ABHD12B: variants seen among roughly 807,000 people sequenced by gnomAD.
ABHD12B encodes the protein abhydrolase domain containing 12B.
In ABHD12B, 42 loss-of-function variants were observed where a neutral mutation model predicts 50.4. That is an observed-to-expected ratio of 0.83 (90% CI 0.65 to 1.08). The LOEUF is 1.08. Ranked by LOEUF, ABHD12B falls within the 50% of genes least tolerant of loss-of-function variation. The pLI is 0.00. For synonymous variants in ABHD12B, 167 were observed against 160.3 expected, an observed-to-expected ratio of 1.04 and a Z score of -0.32; for missense variants, 479 against 447.7, an observed-to-expected ratio of 1.07 and a Z score of -0.63.
intron 1 of ABHD12B, 113 bp from the exon 2 acceptor site, chr14:50,877,839 C>A: frequency 8.7e-7 from 1 of 1,148,874 alleles, no homozygotes; most frequent in African/African-American, 1.6e-5. Context: ...TGCACTCCAG[C>A]CTGGGCAACA....
intron 9 of ABHD12B, among the ~76,000 whole-genome samples, chr14:50,896,873 G>A (rs1018167517): frequency 5.3e-5 from 8 of 152,056 alleles, no homozygotes; most frequent in South Asian, 4.1e-4. Flanking sequence ...TCACACAGAC[G>A]CGCATGAAAA....
intron 9 of ABHD12B, among the ~76,000 whole-genome samples, chr14:50,897,485 T>C (rs2050212807): frequency 6.6e-6 from 1 of 152,246 alleles, no homozygotes; most frequent in African/African-American, 2.4e-5. Flanking sequence ...TGTCCAATAT[T>C]TGTATATCTT....
intron 5 of ABHD12B, 103 bp downstream of exon 5, chr14:50,881,729 A>T: frequency 7.1e-7 from 1 of 1,402,544 alleles, no homozygotes; most frequent in Non-Finnish European, 1.0e-6. Context: ...AGAGGTCTCC[A>T]GGGTACTGGT....
At chr14:50,886,402 T>C (rs1326111912) in intron 7 of ABHD12B, among the ~76,000 whole-genome samples, 1 of 140,398 alleles carries the variant, frequency 7.1e-6, no homozygotes, top group Non-Finnish European at 1.5e-5. Flanking sequence ...ATTGTACCAC[T>C]GCACTCCAGC....
intron 9 of ABHD12B, chr14:50,892,459 C>T (rs2050132904): frequency 1.0e-6 from 1 of 985,286 alleles, no homozygotes; most frequent in Non-Finnish European, 1.2e-6. Flanking sequence ...TTTCTGCCCT[C>T]CGCTAAGGTA....
Position 50,872,229 on chromosome 14 carries a change from G to A in ABHD12B, c.55G>A (p.Ala19Thr). 2 of 1,393,038 alleles carry A rather than the reference G, an allele frequency of 1.4e-6. No homozygotes were observed. Among genetic ancestry groups the A allele is most frequent in the African/African-American group, 3.0e-5 (2 of 67,148 alleles). The allele number at this position is 1,393,038 out of a possible 1,614,324, so 86.3% of individuals were successfully genotyped here. A position where few individuals can be genotyped will look rare whatever the true frequency, so the allele number is the denominator to read the frequency against. ...AASPEPPGPP[A>T]RSCVAAWWDM... is the part of the protein sequence containing the mutation. Reference sequence around the variant, plus strand: ...ATCGCCCGAGCCGCCCGGGCCCCCAGCCCGTAGCTGCGTGGCCGCCTGGTG... The same window carrying A: ...ATCGCCCGAGCCGCCCGGGCCCCCAACCCGTAGCTGCGTGGCCGCCTGGTG... Residue 19 changes from alanine to threonine, a missense_variant, in exon 1 of 13, where the codon GCC becomes ACC. Ala to Thr is a moderately conservative substitution (Grantham distance 58). Transcript: ENST00000337334.
rs978735939 is a variant in ABHD12B at position 50,885,507 on chromosome 14, C to T, written c.487-107C>T. On this transcript the variant is annotated intron_variant, in intron 5 of 12. Coordinates refer to ENST00000337334, the MANE Select transcript of ABHD12B (RefSeq NM_001206673.2). ...ATACTAATGAACAAGTTAAAATTACCTTTGAAAGAGCCCTCCTTGTGATGT... is the reference window on the plus strand; with the variant it reads ...ATACTAATGAACAAGTTAAAATTACTTTTGAAAGAGCCCTCCTTGTGATGT... 7.7e-6 allele frequency: 10 copies of T among 1,300,306 alleles called. No individual in the cohort carries two copies. In the East Asian group the frequency reaches 2.1e-4, roughly 27 times the overall value. 80.5% of individuals were successfully genotyped at this position (1,300,306 alleles called of 1,614,324 possible).
intron 9 of ABHD12B, 39 bp downstream of exon 9, chr14:50,888,942 G>C: frequency 6.5e-7 from 1 of 1,544,442 alleles, no homozygotes; most frequent in Non-Finnish European, 8.9e-7. Context: ...ATCAAAGTAG[G>C]CTATTTTGAT....
intron 5 of ABHD12B, among the ~76,000 whole-genome samples, chr14:50,881,904 G>A (rs1305185348): frequency 1.3e-5 from 2 of 152,042 alleles, no homozygotes; most frequent in East Asian, 1.9e-4. Context: ...TTTCTCTGAG[G>A]GCTGGGGGAT....
intron 8 of ABHD12B, among the ~76,000 whole-genome samples, chr14:50,887,099 A>G (rs2050051038): frequency 6.8e-6 from 1 of 147,874 alleles, no homozygotes; most frequent in Admixed American, 7.0e-5. Flanking sequence ...CTGTAATCCC[A>G]GCTACTTGGG....
In ABHD12B at chr14:50,878,034, C is replaced by T. The variant is rs1684116827; in HGVS notation, c.187C>T (p.His63Tyr). 7.2e-6 allele frequency: 11 copies of T among 1,534,088 alleles called. No individual in the cohort carries two copies. The highest frequency in any genetic ancestry group is 5.5e-5 in the African/African-American group (4 of 72,896). ...CTTTACTAGTAAATCCTTAAAAGAA[C>T]ACGTTTTCCTTCCTCTGATAGACAT... ...DSFTSKSLKE[H>Y]VFLPLIDMLI... The change falls in exon 2 of 13, where the codon CAC (histidine) becomes TAC (tyrosine). Residue 63 changes from histidine (H) to tyrosine (Y), a missense_variant. His to Tyr is a moderately conservative substitution (Grantham distance 83). Transcript: ENST00000337334.
At chr14:50,882,373 CTTTTTTTT>C (rs386381352) in intron 5 of ABHD12B, among the ~76,000 whole-genome samples, 1 of 81,844 alleles carries the variant, frequency 1.2e-5, no homozygotes, top group Non-Finnish European at 2.1e-5. Context: ...AGAATGTCTG[CTTTTTTTT>C]TTTTTTTTTT....
At position 50,904,603 on chromosome 14, in the gene ABHD12B, C is replaced by G; in HGVS notation, c.*237C>G. On this transcript the variant is annotated 3_prime_UTR_variant, in exon 13 of 13. Coordinates refer to ENST00000337334, the MANE Select transcript of ABHD12B (RefSeq NM_001206673.2). The stretch of plus-strand genomic sequence containing the variant: ...ATGCTGAAACCTCACTGTGGAGAAC[C>G]AGAATTTGGTAAAATCTAGATCCTA... 1 of 582,176 alleles carries G rather than the reference C, an allele frequency of 1.7e-6. No homozygotes were observed. Among genetic ancestry groups the G allele is most frequent in the East Asian group, 2.8e-5 (1 of 35,090 alleles). The allele number at this position is 582,176 out of a possible 1,614,324, so 36.1% of individuals were successfully genotyped here.
At chr14:50,878,940 A>G in intron 3 of ABHD12B, 93 bp downstream of exon 3, 1 of 997,288 alleles carries the variant, frequency 1.0e-6, no homozygotes, top group Non-Finnish European at 1.6e-6. Context: ...GCCCACGGAG[A>G]GGTCGGTGCT....
chr14:50,891,222 A>G (rs1016557205), intron 9 of ABHD12B: 2 of 147,508 alleles, frequency 1.4e-5, no homozygotes, highest in Admixed American at 1.4e-4. Context: ...TCACTTTCTT[A>G]ATGATATGTC....
At chr14:50,881,500 A>G (rs771025140) in intron 4 of ABHD12B, 96 bp from the exon 5 acceptor site, 348 of 1,344,410 alleles carry the variant, frequency 2.6e-4, no homozygotes, top group Non-Finnish European at 3.3e-4. Flanking sequence ...AAGGCGTGAG[A>G]TCAGATACCA....
rs2050305256 is a variant in ABHD12B at position 50,904,428 on chromosome 14, T to G, written c.*62T>G. 43 of 1,604,960 alleles carry G rather than the reference T, an allele frequency of 2.7e-5. No homozygotes were observed. The highest frequency in any genetic ancestry group is 3.4e-5 in the Non-Finnish European group (40 of 1,173,426). ...CCCAAACACCACCTGTGATGTATAT[T>G]GTTCTAATGTAAAATTGTACTGGGC... On this transcript the variant is annotated 3_prime_UTR_variant, in exon 13 of 13. Transcript: ENST00000337334.
chr14:50,880,572 G>A lies in ABHD12B; in HGVS notation c.455+1G>A. The stretch of plus-strand genomic sequence containing the variant: ...ATCTTCATGGCAGTGCAGAACACAG[G>A]TCAGTGGCTCTGCTTACATATTTTT... On this transcript the variant is annotated splice_donor_variant, in intron 4 of 12. Coordinates refer to ENST00000337334, the MANE Select transcript of ABHD12B (RefSeq NM_001206673.2). LOFTEE classifies it high-confidence loss of function. 1 of 1,572,400 alleles carries A rather than the reference G, an allele frequency of 6.4e-7. No homozygotes were observed. Among genetic ancestry groups the A allele is most frequent in the Non-Finnish European group, 8.6e-7 (1 of 1,160,398 alleles).
intron 9 of ABHD12B, among the ~76,000 whole-genome samples, chr14:50,895,257 C>A (rs1207897865): frequency 1.3e-5 from 2 of 149,886 alleles, no homozygotes; most frequent in South Asian, 2.1e-4. Flanking sequence ...AGATTCCGGC[C>A]CTCAAACCCC....
Sources: allele counts gnomAD v4.1 joint callset (sites outside exome capture counted in the v4.1 genomes callset), GRCh38; gene constraint gnomAD v4.1.1; transcripts MANE v1.5; gene names NCBI Gene and HGNC (gene_info 2026-07-23, HGNC 2026-07-21).